HSD17B12: variants seen among roughly 807,000 people sequenced by gnomAD.
The protein encoded by HSD17B12 is very-long-chain 3-oxoacyl-CoA reductase.
Under a neutral mutation model 39.3 loss-of-function variants are expected in HSD17B12, and 32 were observed. The observed-to-expected ratio is 0.81, with a 90% CI of 0.61 to 1.09. HSD17B12 has a LOEUF of 1.09. Ranked by LOEUF, HSD17B12 falls within the 50% of genes least tolerant of loss-of-function variation. The pLI is 0.00. For missense variants in HSD17B12, 342 were observed against 382.9 expected, an observed-to-expected ratio of 0.89 and a Z score of 0.89; for synonymous variants, 150 against 146.7, an observed-to-expected ratio of 1.02 and a Z score of -0.16.
At chr11:43,579,816 G>A in the HSD17B12 span, among the ~76,000 whole-genome samples, 1 of 151,888 alleles carries the variant, frequency 6.6e-6, no homozygotes, top group African/African-American at 2.4e-5. Flanking sequence ...CTTGAAGACA[G>A]TGCCTCCACC....
chr11:43,714,949 G>A (rs934289025), intron 1 of HSD17B12, among the ~76,000 whole-genome samples: 4 of 152,126 alleles, frequency 2.6e-5, no homozygotes, highest in Non-Finnish European at 4.4e-5. Context: ...GTATAAGAAT[G>A]CTTGTGATTT....
At chr11:43,697,459 T>G (rs768030384) in intron 1 of HSD17B12, among the ~76,000 whole-genome samples, 27 of 152,202 alleles carry the variant, frequency 1.8e-4, no homozygotes, top group Non-Finnish European at 3.2e-4. Context: ...ATTGACTCAT[T>G]TAATCTGCAC....
the HSD17B12 span, among the ~76,000 whole-genome samples, chr11:43,607,101 T>G: frequency 6.6e-6 from 1 of 152,204 alleles, no homozygotes; most frequent in South Asian, 2.1e-4. Flanking sequence ...GTATATATTA[T>G]TATCTTAATT....
At chr11:43,690,371 TATATATATATATATATATA>T (rs1949843454) in intron 1 of HSD17B12, among the ~76,000 whole-genome samples, 1 of 13,860 alleles carries the variant, frequency 7.2e-5, no homozygotes, top group African/African-American at 4.2e-4. Flanking sequence ...CATATATATA[TATATATATATATATATATA>T]TATATATATA....
the HSD17B12 span, among the ~76,000 whole-genome samples, chr11:43,624,290 A>C: frequency 6.6e-6 from 1 of 152,020 alleles, no homozygotes; most frequent in Non-Finnish European, 1.5e-5. Flanking sequence ...TCCTCTCAAG[A>C]AAATATAAAG....
At chr11:43,688,730 T>G (rs1323098368) in intron 1 of HSD17B12, among the ~76,000 whole-genome samples, 1 of 152,188 alleles carries the variant, frequency 6.6e-6, no homozygotes, top group Non-Finnish European at 1.5e-5. Flanking sequence ...ACAAACAGAT[T>G]GGCTTTGGAG....
In HSD17B12 at chr11:43,771,114, A is replaced by C. The variant is rs1000406921; in HGVS notation, c.283+16993A>C. Among the ~76,000 whole-genome samples the C allele has an allele frequency of 3.9e-5, 6 of 152,200 alleles. No homozygotes were observed. In the South Asian group the frequency reaches 1.2e-3, roughly 32 times the overall value. ...GTTTTTCTCCCCAGAGGGAGCCACT[A>C]TCTTAATTTCTAACATTATCATTTA... On this transcript the variant is annotated intron_variant, in intron 3 of 10. Coordinates refer to ENST00000278353, the MANE Select transcript of HSD17B12 (RefSeq NM_016142.3).
intron 3 of HSD17B12, among the ~76,000 whole-genome samples, chr11:43,760,995 T>G (rs1950550852): frequency 6.6e-6 from 1 of 152,224 alleles, no homozygotes; most frequent in Non-Finnish European, 1.5e-5. Context: ...GTAGAGATAT[T>G]CTACAATTTT....
the HSD17B12 span, among the ~76,000 whole-genome samples, chr11:43,651,753 A>G: frequency 3.9e-5 from 6 of 151,954 alleles, no homozygotes; most frequent in Non-Finnish European, 7.4e-5. Flanking sequence ...GTTATTTTTT[A>G]CTTTTAGTAG....
At chr11:43,570,188 G>A in the HSD17B12 span, 1 of 152,574 alleles carries the variant, frequency 6.6e-6, no homozygotes, top group African/African-American at 2.4e-5. Flanking sequence ...GTATCTGAGT[G>A]TGATGTAATT....
intron 1 of HSD17B12, among the ~76,000 whole-genome samples, chr11:43,708,644 G>T (rs982047157): frequency 2.6e-5 from 4 of 152,168 alleles, no homozygotes; most frequent in African/African-American, 7.2e-5. Context: ...GTGTACTATT[G>T]TTGAAAAAGA....
the HSD17B12 span, among the ~76,000 whole-genome samples, chr11:43,647,612 T>C: frequency 1.6e-4 from 25 of 152,124 alleles, no homozygotes; most frequent in African/African-American, 6.0e-4. Context: ...TTTGTGAACA[T>C]TTGTAAGGGT....
chr11:43,748,711 A>T (rs1950438582), intron 1 of HSD17B12, among the ~76,000 whole-genome samples: 1 of 152,236 alleles, frequency 6.6e-6, no homozygotes, highest in Non-Finnish European at 1.5e-5. Flanking sequence ...TCTCCCACAA[A>T]CATTTAAATC....
chr11:43,840,247 C>A (rs1224043511), intron 9 of HSD17B12, among the ~76,000 whole-genome samples, 183 bp downstream of exon 9: 2 of 151,868 alleles, frequency 1.3e-5, no homozygotes, highest in Non-Finnish European at 2.9e-5. Flanking sequence ...AAAAATTATC[C>A]CCTAGAATTT....
chr11:43,855,021 C>A, intron 10 of HSD17B12, 123 bp from the exon 11 acceptor site: 1 of 1,064,506 alleles, frequency 9.4e-7, no homozygotes, highest in Non-Finnish European at 1.3e-6. Context: ...GGTCGTATAC[C>A]CAAGAACTTT....
At chr11:43,820,117 G>A (rs1230137474) in intron 6 of HSD17B12, among the ~76,000 whole-genome samples, 3 of 152,244 alleles carry the variant, frequency 2.0e-5, no homozygotes, top group Middle Eastern at 3.4e-3. Flanking sequence ...GCAGTGGGAG[G>A]TGAGTGATGT....
chr11:43,741,611 T>C (rs1950365053), intron 1 of HSD17B12, among the ~76,000 whole-genome samples: 1 of 152,122 alleles, frequency 6.6e-6, no homozygotes, highest in Non-Finnish European at 1.5e-5. Context: ...CTTTCTAAAA[T>C]TTATGATGAA....
the HSD17B12 span, among the ~76,000 whole-genome samples, chr11:43,670,727 C>CA: frequency 1.3e-5 from 2 of 151,908 alleles, no homozygotes; most frequent in East Asian, 3.9e-4. Context: ...CTTGTCTCTA[C>CA]AAAAAATATT....
At chr11:43,581,576 G>C in the HSD17B12 span, 1 of 402,456 alleles carries the variant, frequency 2.5e-6, no homozygotes, top group Admixed American at 2.6e-5. The surrounding 1 kb of genome is among the most constrained non-coding windows in gnomAD (Gnocchi z 4.9). Context: ...CCCTTTCCCC[G>C]TTTTCCACGG....
Sources: gnomAD v4.1 joint callset for allele counts (sites outside exome capture counted in the v4.1 genomes callset) on GRCh38, gnomAD v4.1.1 for gene constraint, Gnocchi (gnomAD v3.1) non-coding constraint, MANE v1.5 for transcripts, NCBI Gene and HGNC (gene_info 2026-07-23, HGNC 2026-07-21) for gene names.